Variants in RPTOR observed in about 807,000 individuals in gnomAD.
The protein encoded by RPTOR is regulatory associated protein of MTOR complex 1.
RPTOR carries 21 observed loss-of-function variants against 169.9 expected under a neutral mutation model. The observed-to-expected ratio is 0.12, with a 90% CI of 0.09 to 0.18. RPTOR has a LOEUF of 0.18. Among genes scored for constraint, RPTOR ranks in the 10% least tolerant of loss-of-function variants. RPTOR has a pLI of 1.00. For synonymous variants in RPTOR, 732 were observed against 753.2 expected, an observed-to-expected ratio of 0.97 and a Z score of 0.46; for missense variants, 1,133 against 1,855.9, an observed-to-expected ratio of 0.61 and a Z score of 7.16.
intron 5 of RPTOR, among the ~76,000 whole-genome samples, chr17:80,734,618 A>G (rs9915378): frequency 0.69 from 105,035 of 152,144 alleles, 37,792 homozygotes; most frequent in African/African-American, 0.9. Context: ...TCCTTAGCCG[A>G]CTGGCTTTAT....
chr17:80,949,233 ACTC>A (rs1454395634), intron 27 of RPTOR, among the ~76,000 whole-genome samples: 1 of 151,260 alleles, frequency 6.6e-6, no homozygotes, highest in African/African-American at 2.4e-5. Context: ...CTGGGCTGCG[ACTC>A]CTCCTGCTGG....
At chr17:80,891,683 C>A in intron 17 of RPTOR, 37 bp from the exon 18 acceptor site, 1 of 1,363,232 alleles carries the variant, frequency 7.3e-7, no homozygotes, top group Non-Finnish European at 1.0e-6. Context: ...ATTTTCCAGC[C>A]CCAGTGACTG....
intron 7 of RPTOR, chr17:80,802,896 C>G (rs1447984098): frequency 6.6e-6 from 1 of 152,340 alleles, no homozygotes; most frequent in African/African-American, 2.4e-5. Context: ...GGCTCAGCCC[C>G]CATTGATGCC....
intron 1 of RPTOR, among the ~76,000 whole-genome samples, chr17:80,550,617 A>G (rs1364901332): frequency 6.6e-6 from 1 of 152,178 alleles, no homozygotes; most frequent in African/African-American, 2.4e-5. Context: ...GCTTGCCACA[A>G]CCACCATCCA....
Position 80,960,100 on chromosome 17 carries a change from G to C in RPTOR, c.3500G>C (p.Ser1167Thr). ...TAGGACATCCCTACGGGCGCAGACA[G>C]CTGTGTGACGAGTCTGTCCTGTGAT... ...KVQDIPTGAD[S>T]CVTSLSCDSH... is the part of the protein sequence containing the mutation. Residue 1167 changes from serine (S) to threonine (T), a missense_variant, in exon 30 of 34, where the codon AGC becomes ACC. By Grantham distance (58) the Ser-to-Thr change is moderately conservative (BLOSUM62 1). This residue lies in a region of RPTOR where 410 missense variants were observed against 623.7 expected (regional missense o/e 0.66). Coordinates refer to ENST00000306801, the MANE Select transcript of RPTOR (RefSeq NM_020761.3). This position sits in a 1 kb window ranked among gnomAD's most constrained non-coding sequence, Gnocchi z 4.8. The C allele has an allele frequency of 6.2e-7, 1 of 1,613,674 alleles. No homozygotes were observed. The highest frequency in any genetic ancestry group is 1.1e-5 in the South Asian group (1 of 91,086).
intron 13 of RPTOR, 178 bp downstream of exon 13, chr17:80,858,078 G>C (rs756281672): frequency 1.6e-6 from 1 of 612,772 alleles, no homozygotes; most frequent in Non-Finnish European, 3.0e-6. Context: ...GCCACCTCTG[G>C]GTCGTGGGGG....
At chr17:80,955,053 C>T (rs920299445) in intron 28 of RPTOR, among the ~76,000 whole-genome samples, 1 of 152,258 alleles carries the variant, frequency 6.6e-6, no homozygotes, top group Admixed American at 6.5e-5. Context: ...ATAAAAGGCA[C>T]ATGCAGTGTT....
At chr17:80,630,505 G>A (rs2065433971) in intron 2 of RPTOR, among the ~76,000 whole-genome samples, 1 of 152,152 alleles carries the variant, frequency 6.6e-6, no homozygotes, top group African/African-American at 2.4e-5. Context: ...GTGATCTTGA[G>A]GCAGAAATTT....
At position 80,695,871 on chromosome 17, in the gene RPTOR, T is replaced by C. The variant is rs549380270; in HGVS notation, c.349-11970T>C. Among the ~76,000 whole-genome samples the C allele has an allele frequency of 1.3e-5, 2 of 152,350 alleles. No individual in the cohort carries two copies. Among genetic ancestry groups the C allele is most frequent in the East Asian group, 3.9e-4 (2 of 5,186 alleles). On this transcript the variant is annotated intron_variant, in intron 3 of 33. Transcript: ENST00000306801. This position sits in a 1 kb window ranked among gnomAD's most constrained non-coding sequence, Gnocchi z 4.9. Reference sequence around the variant, plus strand: ...CAAGGGCCGCAGACCACTTTTGCCCTGCATGGCCTCGTGGCTGCCTTTTCT... The same window carrying C: ...CAAGGGCCGCAGACCACTTTTGCCCCGCATGGCCTCGTGGCTGCCTTTTCT...
Position 80,963,629 on chromosome 17 carries a change from CCCTCT to C in RPTOR, c.3939+573_3939+577del. Among the ~76,000 whole-genome samples the C allele has an allele frequency of 7.7e-3, 7 of 906 alleles. 3 individuals are homozygous for C. Among genetic ancestry groups the C allele is most frequent in the African/African-American group, 0.025 (7 of 276 alleles). 0.6% of individuals were successfully genotyped at this position (906 alleles called of 152,430 possible). A position where few individuals can be genotyped will look rare whatever the true frequency, so the allele number is the denominator to read the frequency against. On this transcript the variant is annotated intron_variant, in intron 33 of 33. Coordinates refer to ENST00000306801, the MANE Select transcript of RPTOR (RefSeq NM_020761.3). ...TCCCCTCTGCGGCCCTCACCCCGTC[CCCTCT>C]GCGTCCCTCACCCCGTCCCCTCTGC...
chr17:80,596,725 T>C (rs1042085094), intron 1 of RPTOR, among the ~76,000 whole-genome samples: 4 of 152,210 alleles, frequency 2.6e-5, no homozygotes, highest in African/African-American at 9.7e-5. Context: ...AGATAAGGCC[T>C]TGATAAAATA....
intron 17 of RPTOR, among the ~76,000 whole-genome samples, chr17:80,888,769 G>T (rs998182310): frequency 6.6e-6 from 1 of 152,224 alleles, no homozygotes; most frequent in Admixed American, 6.5e-5. Context: ...TGGGGCCTCA[G>T]TGACCCCGCA....
chr17:80,547,723 T>A (rs2084294212), intron 1 of RPTOR, among the ~76,000 whole-genome samples: 1 of 152,158 alleles, frequency 6.6e-6, no homozygotes, highest in African/African-American at 2.4e-5. Flanking sequence ...ACACATGCTA[T>A]AGGACAGAAG....
At chr17:80,855,602 C>A (rs111874866) in intron 12 of RPTOR, 55 bp downstream of exon 12, 2 of 1,302,708 alleles carry the variant, frequency 1.5e-6, no homozygotes, top group Non-Finnish European at 2.2e-6. Flanking sequence ...AGAGATTAGG[C>A]TCCGTGTTTC....
chr17:80,835,371 C>T (rs1005618716), intron 9 of RPTOR, among the ~76,000 whole-genome samples: 12 of 152,104 alleles, frequency 7.9e-5, no homozygotes, highest in African/African-American at 2.4e-4. Context: ...AAAAATAACA[C>T]AGAGTCCTCG....
intron 3 of RPTOR, among the ~76,000 whole-genome samples, chr17:80,644,413 G>A (rs1022523376): frequency 1.2e-4 from 18 of 146,862 alleles, no homozygotes; most frequent in African/African-American, 4.5e-4. Flanking sequence ...AAGATCTTAA[G>A]TTACTTGTAA....
chr17:80,874,701 A>G (rs1332228225), intron 13 of RPTOR, among the ~76,000 whole-genome samples: 1 of 152,096 alleles, frequency 6.6e-6, no homozygotes, highest in Non-Finnish European at 1.5e-5. Context: ...CCCAGGCATT[A>G]GCAGTTTTAT....
intron 1 of RPTOR, among the ~76,000 whole-genome samples, chr17:80,555,461 G>C (rs565736855): frequency 2.9e-4 from 44 of 152,288 alleles, no homozygotes; most frequent in African/African-American, 1.0e-3. Flanking sequence ...GGAACACCCA[G>C]TCTGTCTGGA....
chr17:80,626,270 C>G (rs1423103394), intron 2 of RPTOR, among the ~76,000 whole-genome samples: 1 of 151,492 alleles, frequency 6.6e-6, no homozygotes, highest in African/African-American at 2.4e-5. Flanking sequence ...CCAGGATGGT[C>G]TCGATCTCCT....
Sources: allele counts gnomAD v4.1 joint callset (sites outside exome capture counted in the v4.1 genomes callset), GRCh38; gene constraint gnomAD v4.1.1; regional missense constraint gnomAD v4.1.1; non-coding constraint Gnocchi (gnomAD v3.1); transcripts MANE v1.5; gene names NCBI Gene and HGNC (gene_info 2026-07-23, HGNC 2026-07-21).